Variants in CNTLN observed in about 807,000 individuals in gnomAD.
CNTLN encodes centlein, centrosomal protein.
Under a neutral mutation model 180.0 loss-of-function variants are expected in CNTLN, and 212 were observed. The ratio of observed to expected loss-of-function variants is 1.18; its 90% confidence interval spans 1.05 to 1.32. The LOEUF is 1.32. Among genes scored for constraint, CNTLN ranks in the 40% most tolerant of loss-of-function variants. CNTLN has a pLI of 0.00. For synonymous variants in CNTLN, 722 were observed against 563.1 expected (o/e 1.28, Z -3.99); for missense variants, 2,095 against 1,610.9 (o/e 1.30, Z -5.14).
intron 14 of CNTLN, 32 bp from the exon 15 acceptor site, chr9:17,394,502 G>C: frequency 7.3e-7 from 1 of 1,376,504 alleles, no homozygotes; most frequent in Non-Finnish European, 9.9e-7. Flanking sequence ...TATGGTTTTT[G>C]GATTCTTAAA....
chr9:17,320,745 C>T (rs1165423322), intron 8 of CNTLN, among the ~76,000 whole-genome samples: 2 of 152,106 alleles, frequency 1.3e-5, no homozygotes, highest in East Asian at 1.9e-4. Context: ...TCAGGTGATC[C>T]ACCCACCTCA....
At chr9:17,365,685 T>TAA (rs1823758964) in intron 12 of CNTLN, among the ~76,000 whole-genome samples, 2 of 152,154 alleles carry the variant, frequency 1.3e-5, no homozygotes, top group Admixed American at 6.5e-5. Flanking sequence ...GCATGGCGGG[T>TAA]GTTGTGGCTC....
intron 6 of CNTLN, among the ~76,000 whole-genome samples, chr9:17,290,657 C>G (rs955644133): frequency 2.0e-5 from 3 of 148,224 alleles, no homozygotes; most frequent in Non-Finnish European, 4.5e-5. Context: ...TAGCAATCAG[C>G]GAGACTCCGT....
intron 18 of CNTLN, among the ~76,000 whole-genome samples, chr9:17,429,403 G>A (rs745399966): frequency 6.6e-6 from 1 of 152,014 alleles, no homozygotes; most frequent in African/African-American, 2.4e-5. Flanking sequence ...GTTGCTTAAA[G>A]TACCCATGGG....
intron 6 of CNTLN, among the ~76,000 whole-genome samples, chr9:17,275,993 A>T (rs1828284121): frequency 6.6e-6 from 1 of 152,094 alleles, no homozygotes; most frequent in Non-Finnish European, 1.5e-5. Context: ...CGGTGAAGGG[A>T]GTGAGGGTGC....
At chr9:17,271,095 C>T (rs866122082) in intron 5 of CNTLN, among the ~76,000 whole-genome samples, 15 of 151,862 alleles carry the variant, frequency 9.9e-5, no homozygotes, top group African/African-American at 3.6e-4. Flanking sequence ...GGACTACAGG[C>T]ACCCGCCACC....
intron 15 of CNTLN, among the ~76,000 whole-genome samples, chr9:17,401,936 T>C (rs1827010207): frequency 6.6e-6 from 1 of 151,602 alleles, no homozygotes. Flanking sequence ...TCCAGAAGAT[T>C]TAAAGATCAT....
chr9:17,335,931 C>CAA (rs1205090131), intron 10 of CNTLN, among the ~76,000 whole-genome samples: 1 of 144,968 alleles, frequency 6.9e-6, no homozygotes, highest in Non-Finnish European at 1.5e-5. Flanking sequence ...GTCTCAAAAA[C>CAA]AAAAACAAAA....
chr9:17,512,440 T>C, the CNTLN span, among the ~76,000 whole-genome samples: 1 of 152,182 alleles, frequency 6.6e-6, no homozygotes, highest in Non-Finnish European at 1.5e-5. Flanking sequence ...ATACCACATG[T>C]TCTCACTTTA....
chr9:17,362,914 G>C (rs1244266658), intron 12 of CNTLN, among the ~76,000 whole-genome samples: 1 of 151,960 alleles, frequency 6.6e-6, no homozygotes, highest in Non-Finnish European at 1.5e-5. Context: ...ACAGGCCCCA[G>C]TGTGTGATGT....
chr9:17,336,191 G>C (rs534519473), intron 10 of CNTLN, among the ~76,000 whole-genome samples: 1 of 152,128 alleles, frequency 6.6e-6, no homozygotes, highest in East Asian at 1.9e-4. Flanking sequence ...TTTTGCCTTT[G>C]CTTACTATTT....
chr9:17,403,582 A>G (rs1429622652), intron 15 of CNTLN, among the ~76,000 whole-genome samples: 2 of 149,608 alleles, frequency 1.3e-5, no homozygotes, highest in African/African-American at 2.5e-5. Context: ...TATTTTAGGT[A>G]TGGTTTTGTC....
chr9:17,443,394 A>G (rs1357348126), intron 18 of CNTLN, among the ~76,000 whole-genome samples: 1 of 152,232 alleles, frequency 6.6e-6, no homozygotes, highest in Non-Finnish European at 1.5e-5. Flanking sequence ...AATATTGTTT[A>G]AATAATAGCA....
intron 7 of CNTLN, 69 bp from the exon 8 acceptor site, chr9:17,308,989 C>A: frequency 9.4e-7 from 1 of 1,062,266 alleles, no homozygotes; most frequent in Non-Finnish European, 1.3e-6. Context: ...TACACACACA[C>A]ACACACAGAC....
chr9:17,334,204 C>T (rs1027574829), intron 10 of CNTLN, among the ~76,000 whole-genome samples: 4 of 152,016 alleles, frequency 2.6e-5, no homozygotes, highest in Admixed American at 6.6e-5. Context: ...GGATTACAGG[C>T]GTGTGCCACC....
chr9:17,500,951 C>T (rs1340817413), intron 25 of CNTLN, among the ~76,000 whole-genome samples: 3 of 152,132 alleles, frequency 2.0e-5, no homozygotes, highest in African/African-American at 4.8e-5. Context: ...AGCAATTTGT[C>T]AAAATTAAAG....
intron 6 of CNTLN, among the ~76,000 whole-genome samples, chr9:17,281,553 T>C (rs1828664829): frequency 6.6e-6 from 1 of 152,190 alleles, no homozygotes; most frequent in East Asian, 1.9e-4. Context: ...TTTGTGTTCC[T>C]GCGTTAGTTT....
At chr9:17,317,021 C>T (rs896178855) in intron 8 of CNTLN, among the ~76,000 whole-genome samples, 3 of 151,738 alleles carry the variant, frequency 2.0e-5, no homozygotes, top group Admixed American at 6.6e-5. Context: ...TTGTCTTAAA[C>T]CAGACAGAAG....
At chr9:17,185,844 G>C (rs1353874928) in intron 2 of CNTLN, among the ~76,000 whole-genome samples, 3 of 149,690 alleles carry the variant, frequency 2.0e-5, no homozygotes, top group African/African-American at 5.0e-5. Context: ...CCAGGCTAGA[G>C]TGCAGTGGTG....
Sources: allele counts gnomAD v4.1 joint callset (sites outside exome capture counted in the v4.1 genomes callset), GRCh38; gene constraint gnomAD v4.1.1; transcripts MANE v1.5; gene names NCBI Gene and HGNC (gene_info 2026-07-23, HGNC 2026-07-21).